GPR137: variants seen among roughly 807,000 people sequenced by gnomAD.
GPR137 encodes integral membrane protein GPR137.
Under a neutral mutation model 38.9 loss-of-function variants are expected in GPR137, and 20 were observed. That is an observed-to-expected ratio of 0.51 (90% CI 0.36 to 0.75). GPR137 has a LOEUF of 0.75. Among genes scored for constraint, GPR137 ranks in the 30% least tolerant of loss-of-function variants. The probability of loss-of-function intolerance (pLI) is 0.00; values close to 1 mark genes in which losing one functional copy is unlikely to be tolerated. For synonymous variants in GPR137, 226 were observed against 235.8 expected, an observed-to-expected ratio of 0.96 and a Z score of 0.38; for missense variants, 456 against 526.4, an observed-to-expected ratio of 0.87 and a Z score of 1.31.
chr11:64,274,314 G>C (rs1033675520), upstream of GPR137, among the ~76,000 whole-genome samples: 4 of 152,048 alleles, frequency 2.6e-5, no homozygotes, highest in Non-Finnish European at 5.9e-5. Context: ...GTGAACCCGG[G>C]AGGCGGAGCT....
At chr11:64,277,915 T>C (rs1474600635) in intron 2 of GPR137, among the ~76,000 whole-genome samples, 3 of 152,200 alleles carry the variant, frequency 2.0e-5, no homozygotes, top group Admixed American at 2.0e-4. Flanking sequence ...CCACTAACAC[T>C]TTCTTTAGGG....
At chr11:64,285,010 A>C, upstream of GPR137, 3 of 1,239,044 alleles carry the variant, frequency 2.4e-6, no homozygotes, top group Non-Finnish European at 3.1e-6. Context: ...TGAAGTGGGG[A>C]TAGTGACAGC....
intron 2 of GPR137, chr11:64,287,277 C>T (rs1344716250): frequency 1.0e-6 from 1 of 985,258 alleles, no homozygotes; most frequent in Non-Finnish European, 1.2e-6. Flanking sequence ...GCTGGAGGCT[C>T]CAGCCCATGG....
chr11:64,286,476 C>A lies in GPR137; in HGVS notation c.-49C>A. On this transcript the variant is annotated 5_prime_UTR_variant, in exon 1 of 7. Transcript: ENST00000438980. ...TCCGTATTTATTTCCCTGGTCCCGC[C>A]GACAGTCCCTCCTTGTCTGTCTCCG... The A allele has an allele frequency of 6.4e-7, 1 of 1,565,264 alleles. No homozygotes were observed. Among genetic ancestry groups the A allele is most frequent in the Non-Finnish European group, 8.7e-7 (1 of 1,153,178 alleles).
chr11:64,271,669 G>C, upstream of GPR137: 1 of 1,506,588 alleles, frequency 6.6e-7, no homozygotes, highest in Non-Finnish European at 8.9e-7. Flanking sequence ...CCATAGCGCT[G>C]TGCTGCCCAG....
chr11:64,271,515 G>A (rs188049198), upstream of GPR137: 85 of 1,240,284 alleles, frequency 6.9e-5, no homozygotes, highest in Middle Eastern at 2.7e-4. Flanking sequence ...GGGGTCGTGG[G>A]ACTCCAGATC....
upstream of GPR137, among the ~76,000 whole-genome samples, chr11:64,279,968 G>C (rs1388177045): frequency 6.6e-6 from 1 of 151,860 alleles, no homozygotes; most frequent in African/African-American, 2.4e-5. Context: ...AGGATCACTT[G>C]GGGCCAGGAG....
intron 2 of GPR137, chr11:64,277,099 G>A (rs1326579336): frequency 1.5e-6 from 1 of 669,504 alleles, no homozygotes; most frequent in Non-Finnish European, 2.8e-6. Context: ...CTTGCACACT[G>A]AATTGCACAC....
In GPR137 at chr11:64,286,633, CTCT is replaced by C. The variant is rs2034099891; in HGVS notation, c.116_118del (p.Phe39del). The C allele has an allele frequency of 6.2e-7, 1 of 1,614,094 alleles. No homozygotes were observed. Among genetic ancestry groups the C allele is most frequent in the Non-Finnish European group, 8.5e-7 (1 of 1,179,988 alleles). On this transcript the variant is annotated inframe_deletion, in exon 1 of 7. Transcript: ENST00000438980. ...TGCCTACACCACCCTGTATGCCCTG[CTCT>C]TCTTCTCCGTCTATGCCCAGCTCTG...
chr11:64,275,424 C>T (rs1256003040), upstream of GPR137, among the ~76,000 whole-genome samples: 1 of 152,170 alleles, frequency 6.6e-6, no homozygotes, highest in African/African-American at 2.4e-5. Flanking sequence ...TTAGCCCATT[C>T]TCCAACCCTT....
intron 2 of GPR137, 86 bp from the exon 3 acceptor site, chr11:64,287,635 G>T: frequency 6.3e-7 from 1 of 1,578,246 alleles, no homozygotes; most frequent in South Asian, 1.1e-5. Context: ...GAGTTTTGTC[G>T]ACATTGGGGT....
intron 2 of GPR137, chr11:64,276,978 C>A: frequency 2.7e-6 from 2 of 736,888 alleles, no homozygotes. Context: ...GATGCTTCCG[C>A]GAGCATCCCT....
upstream of GPR137, among the ~76,000 whole-genome samples, chr11:64,274,891 A>C (rs922452763): frequency 1.3e-4 from 19 of 150,690 alleles, no homozygotes; most frequent in Non-Finnish European, 1.5e-5. Flanking sequence ...AGGTTAAGGC[A>C]CAAGAATCAC....
chr11:64,287,683 G>T, intron 2 of GPR137, 38 bp from the exon 3 acceptor site: 1 of 1,598,972 alleles, frequency 6.3e-7, no homozygotes, highest in South Asian at 1.1e-5. Flanking sequence ...AGTGCTGAGG[G>T]CTGTTGAGGG....
At chr11:64,287,346 G>A (rs1293390839) in intron 2 of GPR137, 25 of 973,564 alleles carry the variant, frequency 2.6e-5, no homozygotes, top group Non-Finnish European at 2.8e-5. Flanking sequence ...CTCGTCATTT[G>A]TACAGTGTCT....
chr11:64,282,661 C>T (rs1453552274), upstream of GPR137, among the ~76,000 whole-genome samples: 3 of 152,058 alleles, frequency 2.0e-5, no homozygotes, highest in East Asian at 3.9e-4. Flanking sequence ...GGGTGGATTA[C>T]GAGGTCAGGA....
At chr11:64,278,179 A>T (rs1419448154) in intron 2 of GPR137, among the ~76,000 whole-genome samples, 1 of 151,968 alleles carries the variant, frequency 6.6e-6, no homozygotes. Context: ...CTGTAGTCCC[A>T]GCTACTTAGG....
upstream of GPR137, among the ~76,000 whole-genome samples, chr11:64,275,037 C>T (rs183294259): frequency 4.7e-4 from 66 of 139,886 alleles, no homozygotes; most frequent in East Asian, 0.012. Flanking sequence ...AACGAGAGGA[C>T]GGAATCCGGA....
At chr11:64,273,266 A>G (rs1227657070), upstream of GPR137, among the ~76,000 whole-genome samples, 1 of 152,090 alleles carries the variant, frequency 6.6e-6, no homozygotes, top group African/African-American at 2.4e-5. Context: ...CCAGCCACTC[A>G]GGAGGCTGAA....
Sources: gnomAD v4.1 joint callset for allele counts (sites outside exome capture counted in the v4.1 genomes callset) on GRCh38, gnomAD v4.1.1 for gene constraint, MANE v1.5 for transcripts, NCBI Gene and HGNC (gene_info 2026-07-23, HGNC 2026-07-21) for gene names.